The following LOXL2 variants were observed in gnomAD, a reference collection of about 807,000 sequenced individuals.
The protein encoded by LOXL2 is lysyl oxidase like 2.
A neutral mutation model predicts 93.0 loss-of-function variants in LOXL2; 70 were observed. The observed-to-expected ratio is 0.75, with a 90% CI of 0.62 to 0.92. LOXL2 has a LOEUF of 0.92. Ranked by LOEUF, LOXL2 falls within the 40% of genes least tolerant of loss-of-function variation. The pLI, the probability that LOXL2 is intolerant of heterozygous loss-of-function variation, is 0.00. For missense variants in LOXL2, 973 were observed against 1,054.9 expected (o/e 0.92, Z 1.08); for synonymous variants, 438 against 413.2 (o/e 1.06, Z -0.73).
chr8:23,302,554 G>A (rs938521615), intron 11 of LOXL2, among the ~76,000 whole-genome samples: 3 of 152,196 alleles, frequency 2.0e-5, no homozygotes, highest in Admixed American at 6.5e-5. Flanking sequence ...TAGAGTGTAG[G>A]CCCATGTCTC....
At chr8:23,372,959 A>G (rs1804522346) in intron 1 of LOXL2, among the ~76,000 whole-genome samples, 1 of 152,208 alleles carries the variant, frequency 6.6e-6, no homozygotes, top group African/African-American at 2.4e-5. Flanking sequence ...GGACACATGG[A>G]ACATATAATG....
intron 12 of LOXL2, 53 bp downstream of exon 12, chr8:23,301,974 G>C: frequency 6.2e-7 from 1 of 1,606,902 alleles, no homozygotes; most frequent in Non-Finnish European, 8.5e-7. Context: ...GCCTGTGGAG[G>C]TGGCCTCCCC....
At chr8:23,394,795 A>G (rs1057198665) in intron 1 of LOXL2, among the ~76,000 whole-genome samples, 10 of 145,598 alleles carry the variant, frequency 6.9e-5, no homozygotes, top group Non-Finnish European at 1.5e-4. Context: ...AGGTGTTCAA[A>G]CAAAACTTTT....
intron 3 of LOXL2, among the ~76,000 whole-genome samples, chr8:23,354,953 T>A (rs201041330): frequency 0.21 from 6,561 of 31,640 alleles, 196 homozygotes; most frequent in African/African-American, 0.32. Context: ...ATATATATTT[T>A]TTTTTTTTTT....
chr8:23,301,394 G>A (rs1046216839), intron 12 of LOXL2, among the ~76,000 whole-genome samples: 1 of 152,180 alleles, frequency 6.6e-6, no homozygotes, highest in African/African-American at 2.4e-5. Context: ...CCTCAGGGCT[G>A]GCCTTCCACC....
chr8:23,368,264 A>G lies in LOXL2; in HGVS notation c.88T>C (p.Trp30Arg). 6.2e-7 allele frequency: 1 copy of G among 1,613,876 alleles called. No homozygotes were observed. The highest frequency in any genetic ancestry group is 8.5e-7 in the Non-Finnish European group (1 of 1,180,022). Reference sequence around the variant, plus strand: ...TGGAAGTACTCGGGGTAATGGGGCCAGCTGTCATACTGTGCCAGGCTCAGG... The same window carrying G: ...TGGAAGTACTCGGGGTAATGGGGCCGGCTGTCATACTGTGCCAGGCTCAGG... ...SPLSLAQYDSWPHYPEYFQQP... is the reference protein window; with the variant it reads ...SPLSLAQYDSRPHYPEYFQQP... The change falls in exon 2 of 14, where the codon TGG becomes CGG. Residue 30 changes from tryptophan to arginine, a missense_variant. Trp to Arg is a moderately radical substitution (Grantham distance 101). Coordinates refer to ENST00000389131, the MANE Select transcript of LOXL2 (RefSeq NM_002318.3).
At chr8:23,395,625 G>C (rs932148659) in intron 1 of LOXL2, among the ~76,000 whole-genome samples, 2 of 152,170 alleles carry the variant, frequency 1.3e-5, no homozygotes, top group African/African-American at 4.8e-5. Flanking sequence ...GATGACACTT[G>C]AAAGTGTCAT....
rs146017667 is a variant in LOXL2, at chr8:23,317,028, C to T, written c.1557G>A (p.Ala519=). The change falls in exon 9 of 14, where the codon GCG becomes GCA. Residue 519 remains alanine, a synonymous_variant. Coordinates refer to ENST00000389131, the MANE Select transcript of LOXL2 (RefSeq NM_002318.3). The part of the protein sequence containing the change: ...VKCSGTELSL[A]HCRHDGEDVA... Reference sequence around the variant, plus strand: ...CGTCCTCCCCGTCGTGGCGGCAGTGCGCCAGGGACAGCTCCGTTCCCGAGC... The same window carrying T: ...CGTCCTCCCCGTCGTGGCGGCAGTGTGCCAGGGACAGCTCCGTTCCCGAGC... 293 of 1,614,036 alleles carry T rather than the reference C, an allele frequency of 1.8e-4. 1 individual carries two copies. Among genetic ancestry groups the T allele is most frequent in the Middle Eastern group, 1.3e-3 (8 of 6,084 alleles).
chr8:23,321,698 C>T, intron 7 of LOXL2: 1 of 166,164 alleles, frequency 6.0e-6, no homozygotes, highest in South Asian at 1.7e-4. Flanking sequence ...GGCAGCAGCA[C>T]AGGGTTTTAA....
At chr8:23,399,081 T>A (rs1800127604) in intron 1 of LOXL2, among the ~76,000 whole-genome samples, 1 of 152,240 alleles carries the variant, frequency 6.6e-6, no homozygotes, top group African/African-American at 2.4e-5. Context: ...GTTGCATCTC[T>A]GTGAATGTCT....
At chr8:23,347,611 C>T (rs531708305) in intron 3 of LOXL2, among the ~76,000 whole-genome samples, 51 of 152,272 alleles carry the variant, frequency 3.3e-4, no homozygotes, top group African/African-American at 1.2e-3. Context: ...GATTGCACCA[C>T]TGCACTCCAG....
At chr8:23,300,149 C>T (rs903979677) in intron 12 of LOXL2, among the ~76,000 whole-genome samples, 4 of 152,252 alleles carry the variant, frequency 2.6e-5, no homozygotes, top group East Asian at 1.9e-4. Context: ...CCAGGCGTCT[C>T]GACAGTGCAG....
chr8:23,375,959 G>T (rs1307977315), intron 1 of LOXL2, among the ~76,000 whole-genome samples: 1 of 152,100 alleles, frequency 6.6e-6, no homozygotes, highest in East Asian at 1.9e-4. Flanking sequence ...GCCCTGGCCA[G>T]AACTTCCAAC....
At chr8:23,343,290 A>G (rs1392865165) in intron 3 of LOXL2, among the ~76,000 whole-genome samples, 2 of 152,192 alleles carry the variant, frequency 1.3e-5, no homozygotes, top group Non-Finnish European at 2.9e-5. Flanking sequence ...TCTTCCTTGC[A>G]TTCTCCTACT....
At chr8:23,302,837 C>A (rs1803162852) in intron 11 of LOXL2, among the ~76,000 whole-genome samples, 1 of 151,910 alleles carries the variant, frequency 6.6e-6, no homozygotes, top group Admixed American at 6.6e-5. Flanking sequence ...CAGAGTGCCA[C>A]ACCTGCCGGG....
At chr8:23,398,060 T>A (rs1800116221) in intron 1 of LOXL2, among the ~76,000 whole-genome samples, 1 of 151,962 alleles carries the variant, frequency 6.6e-6, no homozygotes, top group Non-Finnish European at 1.5e-5. Context: ...TCTCACTACA[T>A]CTTCGAGTCA....
intron 1 of LOXL2, among the ~76,000 whole-genome samples, chr8:23,371,596 C>CA (rs1282896494): frequency 6.6e-6 from 1 of 151,104 alleles, no homozygotes; most frequent in Non-Finnish European, 1.5e-5. Flanking sequence ...ACTAAAAATA[C>CA]AAAAAATTAG....
intron 10 of LOXL2, among the ~76,000 whole-genome samples, chr8:23,304,132 A>C (rs979763899): frequency 1.3e-5 from 2 of 152,244 alleles, no homozygotes; most frequent in Non-Finnish European, 2.9e-5. Flanking sequence ...GGCACACAGC[A>C]GCGGCAAAGG....
intron 9 of LOXL2, among the ~76,000 whole-genome samples, chr8:23,314,840 TAA>T: frequency 8.6e-6 from 1 of 116,920 alleles, no homozygotes; most frequent in African/African-American, 4.4e-5. Flanking sequence ...AAGAAAAAAA[TAA>T]AAATAAAAAT....
Sources: allele counts gnomAD v4.1 joint callset (sites outside exome capture counted in the v4.1 genomes callset), GRCh38; gene constraint gnomAD v4.1.1; transcripts MANE v1.5; gene names NCBI Gene and HGNC (gene_info 2026-07-23, HGNC 2026-07-21).